The following GPAT3 variants were observed in gnomAD, a reference collection of about 807,000 sequenced individuals.
The protein encoded by GPAT3 is glycerol-3-phosphate acyltransferase 3, also known as 1-AGP acyltransferase 9.
GPAT3 carries 53 observed loss-of-function variants against 58.8 expected under a neutral mutation model. The ratio of observed to expected loss-of-function variants is 0.90; its 90% CI spans 0.72 to 1.13. GPAT3 has a LOEUF of 1.13. GPAT3 is among the 50% of genes most tolerant of loss of function. GPAT3 has a pLI of 0.00. For missense variants in GPAT3, 511 were observed against 527.6 expected (o/e 0.97, Z 0.31); for synonymous variants, 197 against 187.4 (o/e 1.05, Z -0.42).
intron 2 of GPAT3, among the ~76,000 whole-genome samples, chr4:83,567,117 C>A (rs1407505637): frequency 6.6e-6 from 1 of 152,012 alleles, no homozygotes; most frequent in African/African-American, 2.4e-5. Flanking sequence ...CTTTGGTTTG[C>A]ATTTTATTTC....
chr4:83,536,563 G>GGGACTGCTGTGGCGCTC lies in GPAT3; in HGVS notation c.-57_-41dup. 2.5e-6 allele frequency: 4 copies of GGGACTGCTGTGGCGCTC among 1,575,918 alleles called. No individual in the cohort carries two copies. Among genetic ancestry groups the GGGACTGCTGTGGCGCTC allele is most frequent in the Non-Finnish European group, 3.5e-6 (4 of 1,158,900 alleles). ...GCTCCCGCGGGACTGCCTGGGGACA[G>GGGACTGCTGTGGCGCTC]GGACTGCTGTGGCGCTCGGCCCTCC... On this transcript the variant is annotated 5_prime_UTR_variant, in exon 1 of 12. Transcript: ENST00000264409.
intron 3 of GPAT3, among the ~76,000 whole-genome samples, chr4:83,583,334 G>A (rs1267384689): frequency 6.6e-6 from 1 of 151,492 alleles, no homozygotes; most frequent in Non-Finnish European, 1.5e-5. Context: ...GCTTCTGTTC[G>A]CTTTATAACT....
At chr4:83,569,868 T>A (rs1392974879) in intron 2 of GPAT3, among the ~76,000 whole-genome samples, 1 of 152,230 alleles carries the variant, frequency 6.6e-6, no homozygotes, top group Non-Finnish European at 1.5e-5. Context: ...GTGTCACAAC[T>A]TTCTGGGAAG....
chr4:83,587,001 T>C (rs1376801121), intron 3 of GPAT3, among the ~76,000 whole-genome samples: 1 of 152,246 alleles, frequency 6.6e-6, no homozygotes, highest in Non-Finnish European at 1.5e-5. Flanking sequence ...CATGTGTTTG[T>C]TGTTGTTTTG....
chr4:83,550,534 GCT>G (rs746651256), intron 2 of GPAT3, among the ~76,000 whole-genome samples: 5 of 152,050 alleles, frequency 3.3e-5, no homozygotes, highest in Non-Finnish European at 7.4e-5. Flanking sequence ...ATTTATCAAC[GCT>G]CTCATTTTTT....
chr4:83,562,188 TA>T (rs1351746595), intron 2 of GPAT3, among the ~76,000 whole-genome samples: 19 of 52,774 alleles, frequency 3.6e-4, no homozygotes, highest in African/African-American at 4.7e-4. Flanking sequence ...ATTATATATA[TA>T]TATATATATA....
chr4:83,580,401 A>T (rs113246161), intron 2 of GPAT3, among the ~76,000 whole-genome samples: 8 of 152,274 alleles, frequency 5.3e-5, no homozygotes, highest in African/African-American at 1.9e-4. Context: ...GGTGCATTTT[A>T]TATCATTGTT....
intron 1 of GPAT3, among the ~76,000 whole-genome samples, chr4:83,543,406 G>A (rs1724383022): frequency 6.6e-6 from 1 of 152,160 alleles, no homozygotes. Context: ...GATGTTAATA[G>A]TGAATAATTT....
At chr4:83,584,926 T>C (rs1726322444) in intron 3 of GPAT3, among the ~76,000 whole-genome samples, 1 of 152,224 alleles carries the variant, frequency 6.6e-6, no homozygotes, top group Non-Finnish European at 1.5e-5. Context: ...ATTGCCTCAC[T>C]TAAACTGGGA....
At chr4:83,557,852 T>C (rs1724993891) in intron 2 of GPAT3, among the ~76,000 whole-genome samples, 1 of 152,146 alleles carries the variant, frequency 6.6e-6, no homozygotes, top group South Asian at 2.1e-4. Flanking sequence ...TTTGACATAA[T>C]GTAAAGGGCA....
chr4:83,556,802 T>G (rs1194435341), intron 2 of GPAT3, among the ~76,000 whole-genome samples: 1 of 150,100 alleles, frequency 6.7e-6, no homozygotes, highest in African/African-American at 2.5e-5. Context: ...AAAAAGTAAA[T>G]CTATTGCTTC....
At chr4:83,581,095 C>CAAAAA (rs35894737) in intron 2 of GPAT3, among the ~76,000 whole-genome samples, 1 of 70,286 alleles carries the variant, frequency 1.4e-5, no homozygotes, top group Non-Finnish European at 2.5e-5. Flanking sequence ...GACTCCGTCT[C>CAAAAA]AAAAAAAAAA....
At chr4:83,597,737 T>C (rs1241026734) in intron 9 of GPAT3, among the ~76,000 whole-genome samples, 1 of 152,188 alleles carries the variant, frequency 6.6e-6, no homozygotes, top group Non-Finnish European at 1.5e-5. Flanking sequence ...TTGTATTTGC[T>C]CATAGTGTTA....
intron 1 of GPAT3, among the ~76,000 whole-genome samples, chr4:83,543,166 G>A (rs1278861686): frequency 6.6e-6 from 1 of 152,070 alleles, no homozygotes; most frequent in Non-Finnish European, 1.5e-5. Flanking sequence ...TGGGAATGAT[G>A]ATGCGGGCCT....
intron 6 of GPAT3, among the ~76,000 whole-genome samples, chr4:83,592,434 C>T (rs1407405608): frequency 6.6e-6 from 1 of 152,142 alleles, no homozygotes; most frequent in East Asian, 1.9e-4. Context: ...ATTGAAAGAA[C>T]ATCAAAGATC....
At chr4:83,578,870 T>TTCCTTCCC in intron 2 of GPAT3, among the ~76,000 whole-genome samples, 1 of 151,840 alleles carries the variant, frequency 6.6e-6, no homozygotes, top group Non-Finnish European at 1.5e-5. Flanking sequence ...CCTTCCTTCC[T>TTCCTTCCC]TCCTTCCCTC....
intron 10 of GPAT3, 22 bp from the exon 11 acceptor site, chr4:83,598,622 A>ATT (rs71668661): frequency 2.8e-3 from 3,923 of 1,413,512 alleles, no homozygotes; most frequent in Non-Finnish European, 3.2e-3. Flanking sequence ...TATTCTTGCA[A>ATT]TTTTTTTTTT....
chr4:83,548,519 G>C (rs184074571), intron 2 of GPAT3, among the ~76,000 whole-genome samples: 73 of 152,204 alleles, frequency 4.8e-4, no homozygotes, highest in Non-Finnish European at 7.9e-4. Flanking sequence ...CATTTTAAAT[G>C]ATTACCATGA....
At chr4:83,602,059 A>G (rs1727074214) in intron 11 of GPAT3, among the ~76,000 whole-genome samples, 1 of 152,234 alleles carries the variant, frequency 6.6e-6, no homozygotes, top group African/African-American at 2.4e-5. Context: ...ATAGCATCAC[A>G]AAACTATATA....
Sources: allele counts gnomAD v4.1 joint callset (sites outside exome capture counted in the v4.1 genomes callset), GRCh38; gene constraint gnomAD v4.1.1; transcripts MANE v1.5; gene names NCBI Gene and HGNC (gene_info 2026-07-23, HGNC 2026-07-21).